The following WWOX variants were observed in gnomAD, a reference collection of about 807,000 sequenced individuals.
WWOX encodes the protein WW domain containing oxidoreductase, also known as WW domain-containing oxidoreductase.
WWOX carries 69 observed loss-of-function variants against 46.2 expected under a neutral mutation model. That is an observed-to-expected ratio of 1.49 (90% CI 1.23 to 1.82). WWOX has a LOEUF of 1.82. Among genes scored for constraint, WWOX ranks in the 40% most tolerant of loss-of-function variants. The probability of loss-of-function intolerance (pLI) is 0.00; values close to 1 mark genes in which losing one functional copy is unlikely to be tolerated. For synonymous variants in WWOX, 359 were observed against 202.6 expected (o/e 1.77, Z -6.56); for missense variants, 919 against 542.6 (o/e 1.69, Z -6.89).
intron 8 of WWOX, among the ~76,000 whole-genome samples, chr16:78,921,740 G>C (rs755486476): frequency 1.3e-5 from 2 of 152,186 alleles, no homozygotes; most frequent in Non-Finnish European, 2.9e-5. Context: ...ATGGGCTACT[G>C]TGAGGAGTAA....
chr16:78,972,751 C>T (rs773201938), intron 8 of WWOX, among the ~76,000 whole-genome samples: 1 of 152,144 alleles, frequency 6.6e-6, no homozygotes, highest in Non-Finnish European at 1.5e-5. Flanking sequence ...TTTCCTTTTA[C>T]TTTTAGTTCA....
chr16:78,616,666 G>T (rs1052179696), intron 8 of WWOX, among the ~76,000 whole-genome samples: 3 of 152,056 alleles, frequency 2.0e-5, no homozygotes, highest in African/African-American at 7.2e-5. Context: ...CCACTTGGAA[G>T]GGTGAGGCAG....
intron 8 of WWOX, among the ~76,000 whole-genome samples, chr16:78,650,542 G>T (rs10083819): frequency 6.6e-6 from 1 of 152,116 alleles, no homozygotes; most frequent in Non-Finnish European, 1.5e-5. Flanking sequence ...ATGAATCCAG[G>T]ACACCTGCCT....
At chr16:78,500,258 A>T (rs1265644198) in intron 8 of WWOX, among the ~76,000 whole-genome samples, 8 of 152,206 alleles carry the variant, frequency 5.3e-5, no homozygotes, top group Non-Finnish European at 1.2e-4. Flanking sequence ...AACAGAAGGT[A>T]TGAATTGCTT....
At chr16:78,956,815 C>T (rs762033168) in intron 8 of WWOX, among the ~76,000 whole-genome samples, 2 of 152,124 alleles carry the variant, frequency 1.3e-5, no homozygotes, top group East Asian at 3.9e-4. Flanking sequence ...CAGGAGGTCA[C>T]GAAGGCATGC....
chr16:78,597,425 C>T (rs1389375781), intron 8 of WWOX, among the ~76,000 whole-genome samples: 2 of 152,194 alleles, frequency 1.3e-5, no homozygotes, highest in African/African-American at 2.4e-5. Context: ...GTGCCCGCAT[C>T]AGTGGGCGTT....
intron 8 of WWOX, among the ~76,000 whole-genome samples, chr16:79,103,310 C>G (rs1183263346): frequency 6.6e-6 from 1 of 152,208 alleles, no homozygotes; most frequent in Non-Finnish European, 1.5e-5. Flanking sequence ...TGACTGTTCT[C>G]CTCCCAGCAC....
At chr16:79,211,122 G>C (rs888357757) in intron 8 of WWOX, among the ~76,000 whole-genome samples, 1 of 151,928 alleles carries the variant, frequency 6.6e-6, no homozygotes, top group Non-Finnish European at 1.5e-5. Context: ...AAAGCATAAA[G>C]GGATGATCTG....
intron 8 of WWOX, among the ~76,000 whole-genome samples, chr16:78,995,078 C>A (rs762203112): frequency 6.7e-6 from 1 of 149,320 alleles, no homozygotes; most frequent in Non-Finnish European, 1.5e-5. Flanking sequence ...CTGGAGGATG[C>A]CGAGGAGTTC....
chr16:78,527,353 G>T (rs1253142367), intron 8 of WWOX, among the ~76,000 whole-genome samples: 1 of 150,728 alleles, frequency 6.6e-6, no homozygotes, highest in Non-Finnish European at 1.5e-5. Flanking sequence ...GAGTGCAGTG[G>T]TATGATCTCA....
At chr16:78,187,281 G>T (rs1490515214) in intron 5 of WWOX, among the ~76,000 whole-genome samples, 2 of 152,128 alleles carry the variant, frequency 1.3e-5, no homozygotes, top group African/African-American at 4.8e-5. Context: ...AGAGGTGCCA[G>T]GTGGGCACAA....
intron 8 of WWOX, among the ~76,000 whole-genome samples, chr16:78,471,537 C>G (rs1048970769): frequency 3.3e-5 from 5 of 152,214 alleles, no homozygotes; most frequent in Non-Finnish European, 5.9e-5. Context: ...ATGTGATGAT[C>G]TCAGAACTTT....
chr16:79,071,936 G>T (rs2048559184), intron 8 of WWOX, among the ~76,000 whole-genome samples: 1 of 152,126 alleles, frequency 6.6e-6, no homozygotes, highest in Non-Finnish European at 1.5e-5. Flanking sequence ...GTGTGAGCTG[G>T]CTCACTTGTT....
chr16:78,778,407 G>A (rs16948450), intron 8 of WWOX, among the ~76,000 whole-genome samples: 14 of 152,236 alleles, frequency 9.2e-5, no homozygotes, highest in African/African-American at 2.6e-4. Context: ...TAAATATGCC[G>A]GTATTGACAT....
At chr16:78,930,095 T>G (rs1400780205) in intron 8 of WWOX, among the ~76,000 whole-genome samples, 1 of 151,982 alleles carries the variant, frequency 6.6e-6, no homozygotes, top group Non-Finnish European at 1.5e-5. Flanking sequence ...ACACTCCTCC[T>G]TCCCTTCCTG....
intron 8 of WWOX, among the ~76,000 whole-genome samples, chr16:79,107,535 C>G (rs1306957796): frequency 2.0e-5 from 3 of 152,330 alleles, no homozygotes; most frequent in African/African-American, 4.8e-5. Flanking sequence ...TGCCTTTTCA[C>G]TTTTTATCTT....
chr16:78,824,315 A>G (rs1431032615), intron 8 of WWOX, among the ~76,000 whole-genome samples: 1 of 152,158 alleles, frequency 6.6e-6, no homozygotes, highest in Non-Finnish European at 1.5e-5. Flanking sequence ...ATTGACTCAA[A>G]TGTGTGATTG....
At chr16:78,542,154 C>A (rs977880472) in intron 8 of WWOX, among the ~76,000 whole-genome samples, 17 of 145,370 alleles carry the variant, frequency 1.2e-4, no homozygotes, top group African/African-American at 4.2e-4. Context: ...CTAGACATCT[C>A]AGGATTTGAA....
chr16:78,847,697 A>G (rs1041932298), intron 8 of WWOX, among the ~76,000 whole-genome samples: 4 of 152,096 alleles, frequency 2.6e-5, no homozygotes, highest in African/African-American at 9.7e-5. Flanking sequence ...TTCTTCTTCT[A>G]TAAGATGGAA....
Sources: gnomAD v4.1 joint callset for allele counts (sites outside exome capture counted in the v4.1 genomes callset) on GRCh38, gnomAD v4.1.1 for gene constraint, MANE v1.5 for transcripts, NCBI Gene and HGNC (gene_info 2026-07-23, HGNC 2026-07-21) for gene names.